KIAA1549: variants seen among roughly 807,000 people sequenced by gnomAD.
KIAA1549 encodes the protein UPF0606 protein KIAA1549.
Under a neutral mutation model 156.4 loss-of-function variants are expected in KIAA1549, and 70 were observed. That is an observed-to-expected ratio of 0.45 (90% CI 0.37 to 0.55). The LOEUF is 0.55. KIAA1549 is among the 20% of genes least tolerant of loss of function. KIAA1549 has a pLI of 0.00. For synonymous variants in KIAA1549, 1,103 were observed against 1,066.4 expected, an observed-to-expected ratio of 1.03 and a Z score of -0.67; for missense variants, 2,428 against 2,540.9, an observed-to-expected ratio of 0.96 and a Z score of 0.96.
At chr7:138,900,808 C>T (rs573312507) in intron 8 of KIAA1549, among the ~76,000 whole-genome samples, 24 of 152,374 alleles carry the variant, frequency 1.6e-4, no homozygotes, top group African/African-American at 5.0e-4. Flanking sequence ...GGCTTCCCTT[C>T]GCCTTCCAGC....
chr7:138,862,485 C>G lies in KIAA1549; in HGVS notation c.4930-1029G>C, dbSNP rs953534149. On this transcript the variant is annotated intron_variant, in intron 15 of 19. Coordinates refer to ENST00000422774, the MANE Select transcript of KIAA1549 (RefSeq NM_001164665.2). ...CCCCACTGCACCCTAGCCTGGGTAACAGAGAGACCTAGACTCTTAAAAAAA... is the reference window on the plus strand; with the variant it reads ...CCCCACTGCACCCTAGCCTGGGTAAGAGAGAGACCTAGACTCTTAAAAAAA... Among the ~76,000 whole-genome samples, 6 of 126,010 alleles carry G rather than the reference C, an allele frequency of 4.8e-5. No homozygotes were observed. In the Admixed American group the frequency reaches 5.5e-4, roughly 12 times the overall value. 82.7% of individuals were successfully genotyped at this position (126,010 alleles called of 152,430 possible). A position where few individuals can be genotyped will look rare whatever the true frequency, so the allele number is the denominator to read the frequency against.
chr7:138,846,844 T>C (rs1445191775), intron 17 of KIAA1549, among the ~76,000 whole-genome samples: 1 of 152,210 alleles, frequency 6.6e-6, no homozygotes, highest in East Asian at 1.9e-4. Context: ...TTGGTGAGAA[T>C]GTAGGCTGAC....
chr7:138,911,459 T>G, intron 3 of KIAA1549, 136 bp from the exon 4 acceptor site: 1 of 663,346 alleles, frequency 1.5e-6, no homozygotes, highest in Non-Finnish European at 2.5e-6. Flanking sequence ...CAAAATTTTA[T>G]TTTAGTTACT....
chr7:138,980,986 A>T, intron 1 of KIAA1549, 97 bp downstream of exon 1: 5 of 1,078,190 alleles, frequency 4.6e-6, no homozygotes, highest in Middle Eastern at 3.1e-4. Context: ...GCTGGAGAAT[A>T]AAAGAGGATG....
intron 1 of KIAA1549, among the ~76,000 whole-genome samples, chr7:138,976,286 A>C (rs2130579811): frequency 6.6e-6 from 1 of 152,284 alleles, no homozygotes; most frequent in Middle Eastern, 3.4e-3. Context: ...CATGTTGGCC[A>C]GGCTGGTCTC....
At chr7:138,877,786 T>C (rs1811129525) in intron 12 of KIAA1549, among the ~76,000 whole-genome samples, 1 of 152,202 alleles carries the variant, frequency 6.6e-6, no homozygotes. Context: ...ATTCGCTTCT[T>C]TCCTTCACAT....
At chr7:138,964,091 T>C (rs954879900) in intron 1 of KIAA1549, among the ~76,000 whole-genome samples, 2 of 152,260 alleles carry the variant, frequency 1.3e-5, no homozygotes, top group Non-Finnish European at 2.9e-5. Context: ...TTTGAAAGCC[T>C]GCTTCATTCA....
chr7:138,921,624 T>C (rs1333633658), intron 1 of KIAA1549, among the ~76,000 whole-genome samples: 1 of 152,138 alleles, frequency 6.6e-6, no homozygotes, highest in Non-Finnish European at 1.5e-5. Context: ...CCCAGCACTT[T>C]GGAAGGCCGA....
Position 138,837,784 on chromosome 7 carries a change from C to G in KIAA1549, c.*122G>C. ...CATCTTCTAAATTGCAACTTGCTCC[C>G]TCCCTTGGGCAGGCTGCCCGAGAGT... On this transcript the variant is annotated 3_prime_UTR_variant, in exon 20 of 20. Transcript: ENST00000422774. The G allele has an allele frequency of 8.6e-7, 1 of 1,167,572 alleles. No individual in the cohort carries two copies. The highest frequency in any genetic ancestry group is 1.2e-6 in the Non-Finnish European group (1 of 840,864). 72.3% of individuals were successfully genotyped at this position (1,167,572 alleles called of 1,614,324 possible). A position where few individuals can be genotyped will look rare whatever the true frequency, so the allele number is the denominator to read the frequency against.
rs1809734043 is a variant in KIAA1549 at position 138,837,180 on chromosome 7, GA to G, written c.*725del. 2 of 224,626 alleles carry G rather than the reference GA, an allele frequency of 8.9e-6. No individual in the cohort carries two copies. The highest frequency in any genetic ancestry group is 1.1e-4 in the Admixed American group (2 of 17,478). The allele number at this position is 224,626 out of a possible 1,614,324, so 13.9% of individuals were successfully genotyped here. A position where few individuals can be genotyped will look rare whatever the true frequency, so the allele number is the denominator to read the frequency against. ...AAGCTTTTTGCCCCACTTTGGGAGG[GA>G]TTTTTTTTTTCTAGAACAAAATGAA... is the stretch of plus-strand genomic sequence containing the variant. On this transcript the variant is annotated 3_prime_UTR_variant, in exon 20 of 20. Transcript: ENST00000422774.
intron 1 of KIAA1549, among the ~76,000 whole-genome samples, chr7:138,971,541 C>T (rs1289728439): frequency 6.6e-6 from 1 of 152,134 alleles, no homozygotes; most frequent in Non-Finnish European, 1.5e-5. Context: ...CACCTTACCA[C>T]TCCCTCTTCC....
chr7:138,917,780 G>C lies in KIAA1549; in HGVS notation c.1846C>G (p.Pro616Ala). The C allele has an allele frequency of 5.7e-6, 9 of 1,579,894 alleles. No individual in the cohort carries two copies. The highest frequency in any genetic ancestry group is 7.7e-6 in the Non-Finnish European group (9 of 1,162,830). The change falls in exon 2 of 20, where the codon CCC (proline) becomes GCC (alanine). Residue 616 changes from proline (P) to alanine (A), a missense_variant. By Grantham distance (27) the Pro-to-Ala change is conservative (BLOSUM62 -1). Transcript: ENST00000422774. ...QERSSFSEHKPRGALDFASSF... is the reference protein window; with the variant it reads ...QERSSFSEHKARGALDFASSF... ...GATGCAAAATCCAAAGCACCTCTGG[G>C]TTTATGCTCAGAAAAACTGGAACGT...
chr7:138,872,307 T>G lies in KIAA1549; in HGVS notation c.4346-945A>C, dbSNP rs897331846. On this transcript the variant is annotated intron_variant, in intron 12 of 19. Coordinates refer to ENST00000422774, the MANE Select transcript of KIAA1549 (RefSeq NM_001164665.2). ...GTATAAATGGTTACATGGCAAATTT[T>G]AGGCCATGTATATTCAACCACAATA... is the stretch of plus-strand genomic sequence containing the variant. Among the ~76,000 whole-genome samples, 21 of 149,820 alleles carry G rather than the reference T, an allele frequency of 1.4e-4. 1 individual carries two copies. The highest frequency in any genetic ancestry group is 1.1e-3 in the Admixed American group (17 of 15,006).
chr7:138,876,134 A>G (rs1003718199), intron 12 of KIAA1549, among the ~76,000 whole-genome samples: 2 of 152,174 alleles, frequency 1.3e-5, no homozygotes, highest in African/African-American at 4.8e-5. Context: ...CTTAGCAAGC[A>G]TTTGCTAAAC....
At chr7:138,845,594 C>A (rs529587631) in intron 17 of KIAA1549, among the ~76,000 whole-genome samples, 1 of 152,306 alleles carries the variant, frequency 6.6e-6, no homozygotes, top group African/African-American at 2.4e-5. Flanking sequence ...CTAACTCATG[C>A]CTGATTTTAT....
At chr7:138,847,810 T>C (rs998503158) in intron 17 of KIAA1549, among the ~76,000 whole-genome samples, 6 of 152,378 alleles carry the variant, frequency 3.9e-5, no homozygotes, top group African/African-American at 1.4e-4. Context: ...TGGGATTGCA[T>C]TGAATCTACA....
rs878993 is a variant in KIAA1549, at chr7:138,833,945, A to C, written c.*3961T>G. 6,848 of 231,546 alleles carry C rather than the reference A, an allele frequency of 0.03. 335 individuals carry two copies. Among genetic ancestry groups the C allele is most frequent in the African/African-American group, 0.11 (5,181 of 45,292 alleles). The allele number at this position is 231,546 out of a possible 1,614,324, so 14.3% of individuals were successfully genotyped here. Reference sequence around the variant, plus strand: ...TAGTGCAGTCGGGGATTCTGTCCCCATATCAAAGCAGATCAAGATCAAGTT... The same window carrying C: ...TAGTGCAGTCGGGGATTCTGTCCCCCTATCAAAGCAGATCAAGATCAAGTT... On this transcript the variant is annotated 3_prime_UTR_variant, in exon 20 of 20. Coordinates refer to ENST00000422774, the MANE Select transcript of KIAA1549 (RefSeq NM_001164665.2).
Position 138,840,119 on chromosome 7 carries a change from C to G in KIAA1549, c.5598+14G>C. ...TCTAAATTTTAAATGATGACCCAAA[C>G]AGGAGATACTCACGGCCTCTCTTCG... is the stretch of plus-strand genomic sequence containing the variant. On this transcript the variant is annotated intron_variant, in intron 19 of 19. Coordinates refer to ENST00000422774, the MANE Select transcript of KIAA1549 (RefSeq NM_001164665.2). The G allele has an allele frequency of 2.6e-6, 4 of 1,548,444 alleles. No individual in the cohort carries two copies. Among genetic ancestry groups the G allele is most frequent in the Non-Finnish European group, 3.5e-6 (4 of 1,145,028 alleles).
chr7:138,844,895 A>T (rs6467812), intron 17 of KIAA1549, among the ~76,000 whole-genome samples: 107,149 of 150,908 alleles, frequency 0.71, 38,305 homozygotes, highest in East Asian at 0.91. Context: ...TTTGAGACAG[A>T]GTCTCGCTCT....
Sources: allele counts gnomAD v4.1 joint callset (sites outside exome capture counted in the v4.1 genomes callset), GRCh38; gene constraint gnomAD v4.1.1; transcripts MANE v1.5; gene names NCBI Gene and HGNC (gene_info 2026-07-23, HGNC 2026-07-21).